Variants in LILRA2 observed in about 807,000 individuals in gnomAD.
The protein encoded by LILRA2 is leukocyte immunoglobulin-like receptor subfamily A member 2.
LILRA2 carries 45 observed loss-of-function variants against 47.9 expected under a neutral mutation model. That is an observed-to-expected ratio of 0.94 (90% CI 0.74 to 1.20). LILRA2 has a LOEUF of 1.20. LILRA2 is among the 50% of genes most tolerant of loss of function. The pLI, the probability that LILRA2 is intolerant of heterozygous loss-of-function variation, is 0.00. For synonymous variants in LILRA2, 279 were observed against 249.2 expected (o/e 1.12, Z -1.13); for missense variants, 651 against 598.2 (o/e 1.09, Z -0.92).
chr19:54,576,897 CCT>C (rs929011222), intron 6 of LILRA2, among the ~76,000 whole-genome samples: 7 of 152,274 alleles, frequency 4.6e-5, no homozygotes, highest in Non-Finnish European at 7.3e-5. Flanking sequence ...ACCCTGGACT[CCT>C]CATCTGAATA....
At chr19:54,578,941 A>G (rs1018156878) in intron 6 of LILRA2, among the ~76,000 whole-genome samples, 3 of 150,778 alleles carry the variant, frequency 2.0e-5, no homozygotes, top group Non-Finnish European at 4.4e-5. Flanking sequence ...GTGTCTGTTC[A>G]TATCCTTTGC....
chr19:54,584,143 T>A (rs1266796255), intron 6 of LILRA2, among the ~76,000 whole-genome samples: 1 of 152,248 alleles, frequency 6.6e-6, no homozygotes, highest in Admixed American at 6.5e-5. Flanking sequence ...AGAGATCCGC[T>A]GTTAGTCTGA....
intron 6 of LILRA2, chr19:54,577,647 C>T: frequency 4.7e-6 from 6 of 1,289,480 alleles, no homozygotes; most frequent in Non-Finnish European, 6.1e-6. Flanking sequence ...CCCTCCTGTG[C>T]TCACCTGGAG....
intron 5 of LILRA2, 95 bp downstream of exon 5, chr19:54,575,647 T>C: frequency 2.8e-6 from 4 of 1,425,642 alleles, no homozygotes; most frequent in Non-Finnish European, 3.8e-6. Context: ...GGGTTGGGGG[T>C]CCCAAGGGAG....
chr19:54,577,609 C>A (rs567769363), intron 6 of LILRA2: 2 of 1,289,666 alleles, frequency 1.6e-6, no homozygotes, highest in Non-Finnish European at 1.0e-6. Context: ...GAGAGAAGCA[C>A]CCCAGCTGTG....
In LILRA2 at chr19:54,577,169, CA is replaced by C. The variant is rs1470701706; in HGVS notation, c.1255+1064del. 1.2e-3 allele frequency among the ~76,000 whole-genome samples: 185 copies of C among 151,140 alleles called. No individual in the cohort carries two copies. In the South Asian group the frequency reaches 0.027, roughly 22 times the overall value. On this transcript the variant is annotated intron_variant, in intron 6 of 7. Transcript: ENST00000391738. ...ATATTTTGGAAAAAACAAAAGTTTA[CA>C]AAACCCCGCTGGTTGAGAGTCTCCC...
chr19:54,585,286 C>A (rs905495831), intron 6 of LILRA2, among the ~76,000 whole-genome samples: 1 of 152,208 alleles, frequency 6.6e-6, no homozygotes, highest in African/African-American at 2.4e-5. Context: ...AGCTCTAATG[C>A]GGTGCTGAGA....
At chr19:54,574,603 C>G (rs2062306666) in intron 3 of LILRA2, 21 bp downstream of exon 3, 1 of 1,612,396 alleles carries the variant, frequency 6.2e-7, no homozygotes, top group Non-Finnish European at 8.5e-7. Flanking sequence ...ACTCAGGAGT[C>G]CCAGCCCCAG....
Position 54,587,734 on chromosome 19 carries a change from C to A in LILRA2, c.*388C>A, listed in dbSNP as rs185750760. The A allele has an allele frequency of 3.2e-5, 7 of 217,538 alleles. No homozygotes were observed. The highest frequency in any genetic ancestry group is 6.5e-5 in the Non-Finnish European group (7 of 107,656). The allele number at this position is 217,538 out of a possible 1,614,324, so 13.5% of individuals were successfully genotyped here. On this transcript the variant is annotated 3_prime_UTR_variant, in exon 8 of 8. Coordinates refer to ENST00000391738, the MANE Select transcript of LILRA2 (RefSeq NM_001130917.3). ...CACTCCTTGATGTCACTTACTGAGT[C>A]CCCGTCTCTTCAGTTCAGAGATCCA...
chr19:54,587,198 C>T lies in LILRA2; in HGVS notation c.1307-3C>T, dbSNP rs747684379. 1.6e-4 allele frequency: 254 copies of T among 1,613,778 alleles called. No individual in the cohort carries two copies. In the South Asian group the frequency reaches 2.4e-3, roughly 15 times the overall value. On this transcript the variant is annotated splice_polypyrimidine_tract_variant and splice_region_variant and intron_variant, in intron 7 of 7. Transcript: ENST00000391738. ...CCCTGACCTCTGTGACCTCTTTGTC[C>T]AGCATCCCTAGGCCAACACCCCCAG...
In LILRA2 at chr19:54,588,082, G is replaced by A. The variant is rs2062863199; in HGVS notation, c.*736G>A. The A allele has an allele frequency of 6.6e-6, 1 of 152,314 alleles. No homozygotes were observed. The highest frequency in any genetic ancestry group is 6.5e-5 in the Admixed American group (1 of 15,298). 9.4% of individuals were successfully genotyped at this position (152,314 alleles called of 1,614,324 possible). On this transcript the variant is annotated 3_prime_UTR_variant, in exon 8 of 8. Coordinates refer to ENST00000391738, the MANE Select transcript of LILRA2 (RefSeq NM_001130917.3). ...GGGTTCTCACTGAATACAGGGTTGGGAAGCAAGGGACAGAACTGTCTTCAC... is the reference window on the plus strand; with the variant it reads ...GGGTTCTCACTGAATACAGGGTTGGAAAGCAAGGGACAGAACTGTCTTCAC...
At chr19:54,582,953 T>C (rs1278292775) in intron 6 of LILRA2, among the ~76,000 whole-genome samples, 1 of 152,258 alleles carries the variant, frequency 6.6e-6, no homozygotes, top group African/African-American at 2.4e-5. Context: ...TTTAAATGTG[T>C]CCCAGAGATT....
At chr19:54,584,688 G>C (rs1421815365) in intron 6 of LILRA2, among the ~76,000 whole-genome samples, 4 of 152,098 alleles carry the variant, frequency 2.6e-5, no homozygotes, top group Non-Finnish European at 5.9e-5. Context: ...CATTTTTCAA[G>C]GTTTTTAGCT....
Position 54,578,896 on chromosome 19 carries a change from T to C in LILRA2, c.1255+2787T>C, listed in dbSNP as rs375349144. Among the ~76,000 whole-genome samples, 17 of 152,354 alleles carry C rather than the reference T, an allele frequency of 1.1e-4. 1 individual carries two copies. In the East Asian group the frequency reaches 3.1e-3, roughly 28 times the overall value. On this transcript the variant is annotated intron_variant, in intron 6 of 7. Transcript: ENST00000391738. Reference sequence around the variant, plus strand: ...CAGTGATGATAAGCATTTTTGCATATGTCTGTTGCCTGCATAAATGTCTTC... The same window carrying C: ...CAGTGATGATAAGCATTTTTGCATACGTCTGTTGCCTGCATAAATGTCTTC...
intron 6 of LILRA2, among the ~76,000 whole-genome samples, chr19:54,584,141 G>A (rs1004431741): frequency 3.3e-5 from 5 of 152,174 alleles, no homozygotes; most frequent in Non-Finnish European, 7.3e-5. Flanking sequence ...CAAGAGATCC[G>A]CTGTTAGTCT....
At chr19:54,575,094 G>A (rs559068357) in intron 4 of LILRA2, 61 bp downstream of exon 4, 23 of 1,581,838 alleles carry the variant, frequency 1.5e-5, no homozygotes, top group Admixed American at 1.2e-4. Context: ...CAGGCAGGTG[G>A]GGAGCAGCCG....
rs1454939234 is a variant in LILRA2, at chr19:54,574,061, G to A, written c.35-15G>A. 2 of 1,614,076 alleles carry A rather than the reference G, an allele frequency of 1.2e-6. No homozygotes were observed. Among genetic ancestry groups the A allele is most frequent in the African/African-American group, 2.7e-5 (2 of 74,934 alleles). On this transcript the variant is annotated splice_polypyrimidine_tract_variant and intron_variant, in intron 1 of 7. Coordinates refer to ENST00000391738, the MANE Select transcript of LILRA2 (RefSeq NM_001130917.3). ...GCTTCAGGGGAAAAATCCCTCACAGGGAACTCTCTTCCAGGGCTGAGTCTG... is the reference window on the plus strand; with the variant it reads ...GCTTCAGGGGAAAAATCCCTCACAGAGAACTCTCTTCCAGGGCTGAGTCTG...
In LILRA2 at chr19:54,574,102, G is replaced by A. The variant is rs185914611; in HGVS notation, c.61G>A (p.Val21Met). ...GCTGAGTCTGGGCCCCAGGACCCAC[G>A]TGCAGGCAGGTGAGTCTGTTCCCAG... ...LGLSLGPRTH[V>M]QAGHLPKPTL... is the part of the protein sequence containing the mutation. The change falls in exon 2 of 8, where the codon GTG becomes ATG. Residue 21 changes from valine (V) to methionine (M), a missense_variant. Physicochemically the swap from Val to Met is conservative, Grantham distance 21. Transcript: ENST00000391738. 1.1e-5 allele frequency: 18 copies of A among 1,614,228 alleles called. No individual in the cohort carries two copies. In the East Asian group the frequency reaches 2.7e-4, roughly 24 times the overall value.
chr19:54,575,999 T>G lies in LILRA2; in HGVS notation c.1145T>G (p.Met382Arg), dbSNP rs144186554. 4 of 1,613,886 alleles carry G rather than the reference T, an allele frequency of 2.5e-6. No homozygotes were observed. The highest frequency in any genetic ancestry group is 3.4e-6 in the Non-Finnish European group (4 of 1,179,944). ...CAGCAGAACCAGGCTGAATTCCGCA[T>G]GGGTCCTGTGACCTCAGCCCACGTG... Reference protein sequence around the residue: ...QAQQNQAEFRMGPVTSAHVGT... With the variant: ...QAQQNQAEFRRGPVTSAHVGT... Residue 382 changes from methionine to arginine, a missense_variant, in exon 6 of 8, where the codon ATG (methionine) becomes AGG (arginine). Transcript: ENST00000391738.
Sources: allele counts gnomAD v4.1 joint callset (sites outside exome capture counted in the v4.1 genomes callset), GRCh38; gene constraint gnomAD v4.1.1; transcripts MANE v1.5; gene names NCBI Gene and HGNC (gene_info 2026-07-23, HGNC 2026-07-21).